The following PKP4 variants were observed in gnomAD, a reference collection of about 807,000 sequenced individuals.
PKP4 encodes the protein plakophilin 4, also known as plakophilin-4.
Under a neutral mutation model 145.1 loss-of-function variants are expected in PKP4, and 90 were observed. That is an observed-to-expected ratio of 0.62 (90% CI 0.52 to 0.74). The LOEUF is 0.74. PKP4 is among the 30% of genes least tolerant of loss of function. The pLI is 0.00. For missense variants in PKP4, 1,340 were observed against 1,482.7 expected, an observed-to-expected ratio of 0.90 and a Z score of 1.58; for synonymous variants, 563 against 577.2, an observed-to-expected ratio of 0.98 and a Z score of 0.35.
At chr2:158,573,515 A>G (rs529529266) in intron 2 of PKP4, among the ~76,000 whole-genome samples, 2 of 152,342 alleles carry the variant, frequency 1.3e-5, no homozygotes, top group East Asian at 1.9e-4. Flanking sequence ...AAGCAAATGT[A>G]GCAAAATATT....
chr2:158,498,448 T>C (rs1696071895), intron 1 of PKP4, among the ~76,000 whole-genome samples: 1 of 152,268 alleles, frequency 6.6e-6, no homozygotes, highest in African/African-American at 2.4e-5. Flanking sequence ...TGTGAGATGC[T>C]TTAAAAATGT....
At chr2:158,459,979 A>C (rs1164824521) in intron 1 of PKP4, among the ~76,000 whole-genome samples, 3 of 152,202 alleles carry the variant, frequency 2.0e-5, no homozygotes, top group African/African-American at 4.8e-5. Context: ...TTTTGACCAA[A>C]GTGCATTCCC....
chr2:158,495,550 G>A (rs1299761517), intron 1 of PKP4, among the ~76,000 whole-genome samples: 2 of 151,648 alleles, frequency 1.3e-5, no homozygotes, highest in South Asian at 2.1e-4. Flanking sequence ...AAAAAAAAAG[G>A]AGTGTCCGGG....
chr2:158,506,181 G>T (rs1490829434), intron 1 of PKP4, among the ~76,000 whole-genome samples: 1 of 152,208 alleles, frequency 6.6e-6, no homozygotes, highest in African/African-American at 2.4e-5. Context: ...GACAAGTTAT[G>T]CCCTGGCTTT....
intron 3 of PKP4, among the ~76,000 whole-genome samples, chr2:158,596,970 T>TTCCTTATAC (rs1216774409): frequency 4.6e-5 from 7 of 152,230 alleles, no homozygotes; most frequent in Non-Finnish European, 7.3e-5. Context: ...TGACCTTCTT[T>TTCCTTATAC]TCATAGATGA....
chr2:158,551,475 A>G (rs1364481968), intron 2 of PKP4, among the ~76,000 whole-genome samples: 1 of 152,200 alleles, frequency 6.6e-6, no homozygotes, highest in Non-Finnish European at 1.5e-5. Context: ...CCCTTCTGGT[A>G]TTCAATCACC....
intron 6 of PKP4, among the ~76,000 whole-genome samples, chr2:158,621,820 A>G (rs2052294677): frequency 6.6e-6 from 1 of 152,132 alleles, no homozygotes; most frequent in Non-Finnish European, 1.5e-5. Context: ...ATTTCTTATT[A>G]GAAATAAATG....
intron 9 of PKP4, among the ~76,000 whole-genome samples, chr2:158,635,509 T>C (rs2053733209): frequency 6.6e-6 from 1 of 152,158 alleles, no homozygotes; most frequent in Non-Finnish European, 1.5e-5. Context: ...GAGTTTTGAA[T>C]TGTAGGTAAT....
At chr2:158,621,632 G>A (rs1292833146) in intron 6 of PKP4, among the ~76,000 whole-genome samples, 1 of 151,898 alleles carries the variant, frequency 6.6e-6, no homozygotes, top group East Asian at 1.9e-4. Context: ...TGTAATCTCA[G>A]CAACTCGGGA....
chr2:158,554,086 C>A (rs2045861797), intron 2 of PKP4, among the ~76,000 whole-genome samples: 1 of 150,172 alleles, frequency 6.7e-6, no homozygotes, highest in Non-Finnish European at 1.5e-5. Flanking sequence ...TCAGCATTCT[C>A]CTTGCCCCCC....
intron 1 of PKP4, among the ~76,000 whole-genome samples, chr2:158,500,486 ATT>A (rs938909917): frequency 3.9e-5 from 6 of 152,236 alleles, no homozygotes; most frequent in African/African-American, 1.4e-4. Context: ...GTTTATAGAT[ATT>A]TTGTTTCCCT....
chr2:158,601,679 G>A (rs1050965098), intron 3 of PKP4, among the ~76,000 whole-genome samples: 4 of 152,186 alleles, frequency 2.6e-5, no homozygotes, highest in African/African-American at 7.2e-5. Flanking sequence ...TCCACTTGCT[G>A]GGAGAAGGTC....
chr2:158,496,959 AAATT>A (rs1197413488), intron 1 of PKP4, among the ~76,000 whole-genome samples: 1 of 152,168 alleles, frequency 6.6e-6, no homozygotes, highest in African/African-American at 2.4e-5. Flanking sequence ...ATCTTGAAAA[AAATT>A]AATGGTCTGA....
In PKP4 at chr2:158,621,018, T is replaced by TA; in HGVS notation, c.310dup (p.Arg104LysfsTer4). 1 of 1,614,078 alleles carries TA rather than the reference T, an allele frequency of 6.2e-7. No homozygotes were observed. The highest frequency in any genetic ancestry group is 8.5e-7 in the Non-Finnish European group (1 of 1,179,928). On this transcript the variant is annotated frameshift_variant, in exon 5 of 22. Transcript: ENST00000389759. LOFTEE classifies it high-confidence loss of function. Reference sequence around the variant, plus strand: ...TGCCAAATACTGGTGTAAGCAAACCTAGAGTTTCTGACGCTGTCCAGCCCA... The same window carrying TA: ...TGCCAAATACTGGTGTAAGCAAACCTAAGAGTTTCTGACGCTGTCCAGCCCA...
chr2:158,587,398 A>C (rs952134483), intron 3 of PKP4, among the ~76,000 whole-genome samples: 2 of 152,068 alleles, frequency 1.3e-5, no homozygotes, highest in Non-Finnish European at 2.9e-5. Flanking sequence ...GAATTATTGA[A>C]TCAAAATAAG....
intron 3 of PKP4, among the ~76,000 whole-genome samples, chr2:158,582,593 A>T (rs905880053): frequency 6.6e-6 from 1 of 152,198 alleles, no homozygotes; most frequent in South Asian, 2.1e-4. Context: ...AGAAAAACAA[A>T]CTAGGTTGCT....
intron 2 of PKP4, among the ~76,000 whole-genome samples, chr2:158,568,800 C>G (rs1456113647): frequency 6.6e-6 from 1 of 152,048 alleles, no homozygotes; most frequent in African/African-American, 2.4e-5. Context: ...ATAGTGAAAC[C>G]CCATCTCTAC....
intron 1 of PKP4, among the ~76,000 whole-genome samples, chr2:158,492,905 A>C (rs1404239629): frequency 1.3e-5 from 2 of 152,184 alleles, no homozygotes; most frequent in African/African-American, 4.8e-5. Context: ...TATGCTTCAT[A>C]GGCATAGTCT....
At chr2:158,541,210 A>G (rs941427619) in intron 2 of PKP4, among the ~76,000 whole-genome samples, 2 of 152,110 alleles carry the variant, frequency 1.3e-5, no homozygotes, top group African/African-American at 4.8e-5. Context: ...TCCAGTGCCT[A>G]TCTTCATGTT....
Sources: gnomAD v4.1 joint callset for allele counts (sites outside exome capture counted in the v4.1 genomes callset) on GRCh38, gnomAD v4.1.1 for gene constraint, MANE v1.5 for transcripts, NCBI Gene and HGNC (gene_info 2026-07-23, HGNC 2026-07-21) for gene names.